ZMAT3: variants seen among roughly 807,000 people sequenced by gnomAD.
ZMAT3 encodes the protein zinc finger matrin-type protein 3.
ZMAT3 carries 17 observed loss-of-function variants against 32.3 expected under a neutral mutation model. That is an observed-to-expected ratio of 0.53 (90% CI 0.36 to 0.79). The LOEUF is 0.79. Ranked by LOEUF, ZMAT3 falls within the 30% of genes least tolerant of loss-of-function variation. The pLI is 0.00. For synonymous variants in ZMAT3, 120 were observed against 133.1 expected (o/e 0.90, Z 0.68); for missense variants, 329 against 359.7 (o/e 0.91, Z 0.69).
intron 1 of ZMAT3, among the ~76,000 whole-genome samples, chr3:179,069,842 G>C (rs1407616997): frequency 6.6e-6 from 1 of 152,138 alleles, no homozygotes; most frequent in African/African-American, 2.4e-5. Flanking sequence ...GAAGTGTACT[G>C]CCCATATCTC....
At chr3:179,027,092 A>G (rs1376898263) in intron 5 of ZMAT3, among the ~76,000 whole-genome samples, 1 of 152,186 alleles carries the variant, frequency 6.6e-6, no homozygotes, top group Admixed American at 6.5e-5. Flanking sequence ...TTTCTTTAAC[A>G]TGGTACAACT....
intron 2 of ZMAT3, among the ~76,000 whole-genome samples, chr3:179,039,441 C>T (rs768486149): frequency 2.0e-5 from 3 of 152,170 alleles, no homozygotes; most frequent in Admixed American, 6.5e-5. Context: ...CCAGGCAAAC[C>T]GGGTCTGGAG....
intron 2 of ZMAT3, among the ~76,000 whole-genome samples, chr3:179,040,592 T>A (rs113819673): frequency 0.025 from 3,765 of 151,488 alleles, 161 homozygotes; most frequent in African/African-American, 0.087. Context: ...GCACTAAACA[T>A]AGAAACAACC....
At position 179,018,644 on chromosome 3, in the gene ZMAT3, A is replaced by G. The variant is rs1307854980; in HGVS notation, c.*6373T>C. 5 of 152,126 alleles carry G rather than the reference A, an allele frequency of 3.3e-5. No homozygotes were observed. The highest frequency in any genetic ancestry group is 1.2e-4 in the African/African-American group (5 of 41,436). 9.4% of individuals were successfully genotyped at this position (152,126 alleles called of 1,614,324 possible). A position where few individuals can be genotyped will look rare whatever the true frequency, so the allele number is the denominator to read the frequency against. ...AGTCACTTAAAATTCTTTAGATTTT[A>G]TCTAAAGAATCTTATCCACAAAAAG... On this transcript the variant is annotated 3_prime_UTR_variant, in exon 6 of 6. Transcript: ENST00000311417.
At position 179,065,685 on chromosome 3, in the gene ZMAT3, G is replaced by A. The variant is rs564150711; in HGVS notation, c.270+1798C>T. Among the ~76,000 whole-genome samples, 26 of 152,312 alleles carry A rather than the reference G, an allele frequency of 1.7e-4. No homozygotes were observed. In the East Asian group the frequency reaches 5.0e-3, roughly 29 times the overall value. ...TGGGTGCGGTAGGTCACTCACGCCT[G>A]TAATCCCAGCGCTTTGGGAGGCTGA... On this transcript the variant is annotated intron_variant, in intron 2 of 5. Transcript: ENST00000311417.
Position 179,019,016 on chromosome 3 carries a change from AG to A in ZMAT3, c.*6000del, listed in dbSNP as rs1192802651. 6.6e-6 allele frequency: 1 copy of A among 152,118 alleles called. No homozygotes were observed. Among genetic ancestry groups the A allele is most frequent in the African/African-American group, 2.4e-5 (1 of 41,442 alleles). The allele number at this position is 152,118 out of a possible 1,614,324, so 9.4% of individuals were successfully genotyped here. ...AAGGAGAAGTGACAAGAGGGAGAAA[AG>A]CAGCAACAGATTGAAATGAGGTATT... is the stretch of plus-strand genomic sequence containing the variant. On this transcript the variant is annotated 3_prime_UTR_variant, in exon 6 of 6. Transcript: ENST00000311417.
intron 2 of ZMAT3, among the ~76,000 whole-genome samples, chr3:179,055,936 C>G (rs1349324163): frequency 1.3e-5 from 2 of 152,176 alleles, no homozygotes; most frequent in Non-Finnish European, 2.9e-5. Context: ...TGTAGACCCT[C>G]ATTGGGACAC....
At chr3:179,068,800 A>C (rs992214890) in intron 1 of ZMAT3, among the ~76,000 whole-genome samples, 2 of 152,200 alleles carry the variant, frequency 1.3e-5, no homozygotes, top group African/African-American at 4.8e-5. Flanking sequence ...TGGAATATAC[A>C]GTTTTGTTTT....
chr3:179,042,251 C>A lies in ZMAT3; in HGVS notation c.271-11252G>T, dbSNP rs113594685. On this transcript the variant is annotated intron_variant, in intron 2 of 5. Coordinates refer to ENST00000311417, the MANE Select transcript of ZMAT3 (RefSeq NM_022470.4). Reference sequence around the variant, plus strand: ...GGCCAACATCATCCCGACACCAAAGCCTGGAAGAGATACAACAAAAACCAG... The same window carrying A: ...GGCCAACATCATCCCGACACCAAAGACTGGAAGAGATACAACAAAAACCAG... Among the ~76,000 whole-genome samples the A allele has an allele frequency of 2.7e-4, 41 of 152,266 alleles. 1 individual carries two copies. The highest frequency in any genetic ancestry group is 9.6e-4 in the African/African-American group (40 of 41,554).
At chr3:179,031,373 T>A (rs933900297) in intron 2 of ZMAT3, among the ~76,000 whole-genome samples, 1 of 151,508 alleles carries the variant, frequency 6.6e-6, no homozygotes, top group African/African-American at 2.4e-5. Context: ...TCAAACTGAG[T>A]TAATCAATGT....
At chr3:179,040,592 T>TAGAC (rs1719865032) in intron 2 of ZMAT3, among the ~76,000 whole-genome samples, 2 of 151,380 alleles carry the variant, frequency 1.3e-5, no homozygotes, top group African/African-American at 4.9e-5. Context: ...GCACTAAACA[T>TAGAC]AGAAACAACC....
chr3:179,058,195 C>T (rs1000619633), intron 2 of ZMAT3, among the ~76,000 whole-genome samples: 5 of 152,264 alleles, frequency 3.3e-5, no homozygotes, highest in African/African-American at 1.2e-4. Context: ...GTGGACATGA[C>T]GTGAACGGCA....
At chr3:179,054,405 G>C (rs909496115) in intron 2 of ZMAT3, among the ~76,000 whole-genome samples, 2 of 152,150 alleles carry the variant, frequency 1.3e-5, no homozygotes, top group African/African-American at 4.8e-5. Flanking sequence ...TGACCTCAAA[G>C]TCCGCGATTT....
Position 179,023,289 on chromosome 3 carries a change from A to C in ZMAT3, c.*1728T>G, listed in dbSNP as rs1023634451. The C allele has an allele frequency of 2.0e-5, 3 of 152,080 alleles. No individual in the cohort carries two copies. In the East Asian group the frequency reaches 5.8e-4, roughly 29 times the overall value. The allele number at this position is 152,080 out of a possible 1,614,324, so 9.4% of individuals were successfully genotyped here. On this transcript the variant is annotated 3_prime_UTR_variant, in exon 6 of 6. Transcript: ENST00000311417. ...ACAACTTCTTATTTTAAACGCAAAA[A>C]AACAAAAATAATAATACTGATATAA...
intron 2 of ZMAT3, among the ~76,000 whole-genome samples, chr3:179,053,947 T>C (rs1369400910): frequency 6.6e-6 from 1 of 152,210 alleles, no homozygotes; most frequent in Non-Finnish European, 1.5e-5. Context: ...GTAAACAGTA[T>C]ATAGATTAAA....
chr3:179,068,862 G>C (rs1721561634), intron 1 of ZMAT3, among the ~76,000 whole-genome samples: 2 of 152,142 alleles, frequency 1.3e-5, no homozygotes, highest in African/African-American at 2.4e-5. Flanking sequence ...AGAGATTCAT[G>C]GCTTCTCTTG....
chr3:179,063,607 G>A (rs930125438), intron 2 of ZMAT3, among the ~76,000 whole-genome samples: 3 of 152,168 alleles, frequency 2.0e-5, no homozygotes, highest in African/African-American at 4.8e-5. Context: ...AAATTCATCC[G>A]TGCTTTTTGC....
intron 2 of ZMAT3, among the ~76,000 whole-genome samples, chr3:179,044,851 C>T (rs1720143436): frequency 6.6e-6 from 1 of 151,050 alleles, no homozygotes; most frequent in Admixed American, 6.6e-5. Context: ...GGACACAGGG[C>T]GGGGAACATC....
At chr3:179,064,735 C>G (rs993417795) in intron 2 of ZMAT3, among the ~76,000 whole-genome samples, 1 of 152,186 alleles carries the variant, frequency 6.6e-6, no homozygotes, top group African/African-American at 2.4e-5. Flanking sequence ...CTGGCCTGGT[C>G]TTAGCCTTGT....
Sources: allele counts gnomAD v4.1 joint callset (sites outside exome capture counted in the v4.1 genomes callset), GRCh38; gene constraint gnomAD v4.1.1; transcripts MANE v1.5; gene names NCBI Gene and HGNC (gene_info 2026-07-23, HGNC 2026-07-21).